Variants in ZFHX3 observed in about 807,000 individuals in gnomAD.
ZFHX3 encodes zinc finger homeobox protein 3.
ZFHX3 carries 42 observed loss-of-function variants against 279.1 expected under a neutral mutation model. The ratio of observed to expected loss-of-function variants is 0.15; its 90% CI spans 0.12 to 0.19. The LOEUF (loss-of-function observed/expected upper bound fraction) is 0.19, where lower values mean the gene tolerates loss of function less well. ZFHX3 is among the 10% of genes least tolerant of loss of function. The pLI, the probability that ZFHX3 is intolerant of heterozygous loss-of-function variation, is 1.00. For missense variants in ZFHX3, 4,981 were observed against 4,754.0 expected (o/e 1.05, Z -1.40); for synonymous variants, 2,293 against 1,957.8 (o/e 1.17, Z -4.52).
chr16:73,149,196 T>A (rs1324137786), intron 5 of ZFHX3, among the ~76,000 whole-genome samples: 1 of 147,948 alleles, frequency 6.8e-6, no homozygotes, highest in East Asian at 2.0e-4. Flanking sequence ...TTTTACTTTA[T>A]ATTATATTTT....
At chr16:73,158,349 T>C (rs903750660) in intron 5 of ZFHX3, among the ~76,000 whole-genome samples, 12 of 152,192 alleles carry the variant, frequency 7.9e-5, no homozygotes, top group Non-Finnish European at 1.6e-4. Context: ...ACTGGTAGTA[T>C]TCTGCCAGTG....
Position 72,957,417 on chromosome 16 carries a change from T to C in ZFHX3, c.2719+10A>G. The C allele has an allele frequency of 6.3e-7, 1 of 1,592,978 alleles. No homozygotes were observed. Among genetic ancestry groups the C allele is most frequent in the Non-Finnish European group, 8.6e-7 (1 of 1,168,662 alleles). ...ATCATGAAAACAGACAAACACGTAG[T>C]CATCCTCACCTAGAGCAGGCGTCAT... On this transcript the variant is annotated intron_variant, in intron 2 of 9. Transcript: ENST00000268489.
rs143495248 is a variant in ZFHX3 at position 72,957,998 on chromosome 16, G to T, written c.2148C>A (p.Gly716=). 2.5e-6 allele frequency: 4 copies of T among 1,613,296 alleles called. No homozygotes were observed. In the African/African-American group the frequency reaches 5.3e-5, roughly 22 times the overall value. ...GCTTGTAACCACACGTGTAGCTCTC[G>T]CCTCGTGCCAGCCGGGGGTGGGGCT... The part of the protein sequence containing the change: ...SGQPHPRLAR[G]ESYTCGYKPF... Residue 716 remains glycine (G), a synonymous_variant, in exon 2 of 10, where the codon GGC becomes GGA. Transcript: ENST00000268489.
chr16:73,175,804 G>T (rs766952452), intron 5 of ZFHX3, among the ~76,000 whole-genome samples: 2 of 151,974 alleles, frequency 1.3e-5, no homozygotes, highest in African/African-American at 4.8e-5. Context: ...CATTCCCAAC[G>T]CTTGAACCCC....
chr16:73,568,142 C>T (rs942531454), intron 2 of ZFHX3, among the ~76,000 whole-genome samples: 1 of 152,150 alleles, frequency 6.6e-6, no homozygotes, highest in Non-Finnish European at 1.5e-5. Context: ...TCCTTCTCCC[C>T]CGTCTCCCTT....
chr16:73,348,444 C>A (rs1012156620), intron 3 of ZFHX3, among the ~76,000 whole-genome samples: 1 of 152,174 alleles, frequency 6.6e-6, no homozygotes, highest in Non-Finnish European at 1.5e-5. Flanking sequence ...TCTTCAGACC[C>A]TGAAAGAATT....
chr16:73,520,146 A>C (rs2019587651), intron 2 of ZFHX3, among the ~76,000 whole-genome samples: 1 of 152,194 alleles, frequency 6.6e-6, no homozygotes, highest in African/African-American at 2.4e-5. Flanking sequence ...GCCTTCTTTA[A>C]GATAATGAAC....
chr16:73,838,180 A>G (rs993745785), intron 1 of ZFHX3, among the ~76,000 whole-genome samples: 2 of 152,150 alleles, frequency 1.3e-5, no homozygotes, highest in African/African-American at 4.8e-5. Flanking sequence ...TAGTGCCCCA[A>G]ATTGGCTCAG....
intron 1 of ZFHX3, among the ~76,000 whole-genome samples, chr16:73,003,512 AC>A (rs142323888): frequency 4.1e-5 from 5 of 120,680 alleles, no homozygotes; most frequent in African/African-American, 6.4e-5. Context: ...ACATGGTGAG[AC>A]CCCCCCCTCC....
At chr16:73,092,897 G>T in intron 8 of ZFHX3, 1 of 519,652 alleles carries the variant, frequency 1.9e-6, no homozygotes, top group African/African-American at 1.9e-5. Context: ...TGTGTCCCAC[G>T]CGCTCCTGTT....
intron 1 of ZFHX3, among the ~76,000 whole-genome samples, chr16:73,834,170 T>C (rs920530267): frequency 1.3e-5 from 2 of 152,150 alleles, no homozygotes; most frequent in Admixed American, 6.5e-5. Context: ...ACTGACAGTT[T>C]CTCTGGTTCA....
intron 2 of ZFHX3, among the ~76,000 whole-genome samples, chr16:73,608,317 C>A (rs776214387): frequency 6.6e-6 from 1 of 152,156 alleles, no homozygotes; most frequent in Non-Finnish European, 1.5e-5. Context: ...CTCAGAGCGT[C>A]CCACCATGGC....
chr16:73,614,025 T>C (rs2052274150), intron 2 of ZFHX3, among the ~76,000 whole-genome samples: 1 of 152,224 alleles, frequency 6.6e-6, no homozygotes, highest in Non-Finnish European at 1.5e-5. Context: ...TTCTGCTACC[T>C]CCATCTTCTG....
chr16:73,366,892 T>C (rs544065094), intron 3 of ZFHX3, among the ~76,000 whole-genome samples: 106 of 152,344 alleles, frequency 7.0e-4, no homozygotes, highest in African/African-American at 2.3e-3. Context: ...GATTCTAAAG[T>C]TCTTTGACAT....
chr16:73,655,053 G>A (rs1567543675), intron 2 of ZFHX3, among the ~76,000 whole-genome samples: 1 of 151,970 alleles, frequency 6.6e-6, no homozygotes, highest in Non-Finnish European at 1.5e-5. Context: ...TAGAGACGGG[G>A]TTTTGCCATG....
At position 72,816,669 on chromosome 16, in the gene ZFHX3, A is replaced by G. The variant is rs190886004; in HGVS notation, c.3530-4631T>C. 4.7e-3 allele frequency among the ~76,000 whole-genome samples: 712 copies of G among 152,340 alleles called. 11 individuals carry two copies. Among genetic ancestry groups the G allele is most frequent in the African/African-American group, 0.016 (645 of 41,580 alleles). On this transcript the variant is annotated intron_variant, in intron 5 of 9. Coordinates refer to ENST00000268489, the MANE Select transcript of ZFHX3 (RefSeq NM_006885.4). ...ATTCAAAAGTCAGCTCTCTGGGCCAACAGCCACCACTTCTCCTCATTCTGT... is the reference window on the plus strand; with the variant it reads ...ATTCAAAAGTCAGCTCTCTGGGCCAGCAGCCACCACTTCTCCTCATTCTGT...
chr16:73,096,490 C>T (rs1966165504), intron 7 of ZFHX3, among the ~76,000 whole-genome samples: 1 of 151,668 alleles, frequency 6.6e-6, no homozygotes, highest in African/African-American at 2.4e-5. Context: ...GTAACCTCCA[C>T]CTCCTGGGTT....
chr16:73,764,995 T>C (rs2053914333), intron 1 of ZFHX3, among the ~76,000 whole-genome samples: 1 of 152,224 alleles, frequency 6.6e-6, no homozygotes, highest in Non-Finnish European at 1.5e-5. Context: ...CTGAAGACTC[T>C]TTTCCCATCC....
chr16:73,169,580 TGCA>T (rs1967470844), intron 5 of ZFHX3, among the ~76,000 whole-genome samples: 1 of 151,722 alleles, frequency 6.6e-6, no homozygotes, highest in African/African-American at 2.4e-5. Context: ...AGGCAGAGGT[TGCA>T]GCGAGGCAGA....
Sources: gnomAD v4.1 joint callset for allele counts (sites outside exome capture counted in the v4.1 genomes callset) on GRCh38, gnomAD v4.1.1 for gene constraint, MANE v1.5 for transcripts, NCBI Gene and HGNC (gene_info 2026-07-23, HGNC 2026-07-21) for gene names.